The following ZNF727 variants were observed in gnomAD, a reference collection of about 807,000 sequenced individuals.
The protein encoded by ZNF727 is zinc finger protein 727, also known as putative zinc finger protein 727.
ZNF727 carries 11 observed loss-of-function variants against 11.5 expected under a neutral mutation model. The observed-to-expected ratio is 0.95, with a 90% CI of 0.60 to 1.58. The LOEUF (loss-of-function observed/expected upper bound fraction) is 1.58. ZNF727 is among the 40% of genes most tolerant of loss of function. The probability of loss-of-function intolerance (pLI) is 0.00; values close to 1 mark genes in which losing one functional copy is unlikely to be tolerated. For synonymous variants in ZNF727, 171 were observed against 196.1 expected, an observed-to-expected ratio of 0.87 and a Z score of 1.07; for missense variants, 533 against 581.7, an observed-to-expected ratio of 0.92 and a Z score of 0.86.
At chr7:64,073,303 T>G (rs1562796969) in intron 3 of ZNF727, among the ~76,000 whole-genome samples, 1 of 82,348 alleles carries the variant, frequency 1.2e-5, no homozygotes, top group African/African-American at 4.1e-5. Context: ...TTTCAATTTT[T>G]TGTGTGTTTT....
chr7:64,077,061 GA>G (rs1322938064), intron 3 of ZNF727, among the ~76,000 whole-genome samples: 3 of 152,076 alleles, frequency 2.0e-5, no homozygotes, highest in Non-Finnish European at 4.4e-5. Context: ...TTTTTCTCAC[GA>G]GGTGCTACAA....
At chr7:64,046,941 T>A (rs1385029983) in intron 1 of ZNF727, among the ~76,000 whole-genome samples, 2 of 152,176 alleles carry the variant, frequency 1.3e-5, no homozygotes, top group South Asian at 4.1e-4. Flanking sequence ...CTTAGAGCTT[T>A]ATTGGCAGCT....
Position 64,078,692 on chromosome 7 carries a change from C to G in ZNF727, c.*143C>G. 7.9e-7 allele frequency: 1 copy of G among 1,258,180 alleles called. No individual in the cohort carries two copies. The highest frequency in any genetic ancestry group is 1.2e-6 in the Non-Finnish European group (1 of 867,274). 77.9% of individuals were successfully genotyped at this position (1,258,180 alleles called of 1,614,324 possible). On this transcript the variant is annotated 3_prime_UTR_variant, in exon 4 of 4. Transcript: ENST00000456806. The stretch of plus-strand genomic sequence containing the variant: ...AATGTGGCAAAGCCTTTATCCGCTC[C>G]TCAACCCTTACAAGCCACAAGAGAA...
At chr7:64,075,401 G>C (rs539478199) in intron 3 of ZNF727, among the ~76,000 whole-genome samples, 1 of 151,546 alleles carries the variant, frequency 6.6e-6, no homozygotes, top group South Asian at 2.1e-4. Context: ...TGATTATAAT[G>C]CATTTTCTAT....
rs758166849 is a variant in ZNF727 at position 64,078,405 on chromosome 7, C to T, written c.1356C>T (p.Tyr452=). The T allele has an allele frequency of 6.9e-6, 11 of 1,593,388 alleles. No homozygotes were observed. The highest frequency in any genetic ancestry group is 9.4e-6 in the Non-Finnish European group (11 of 1,169,696). ...HKRIHTGEKP[Y]KCEECGKTFT... ...GAATTCACACTGGAGAGAAGCCCTA[C>T]AAATGTGAAGAATGTGGCAAAACCT... The change falls in exon 4 of 4, where the codon TAC becomes TAT. Residue 452 remains tyrosine, a synonymous_variant. Transcript: ENST00000456806.
chr7:64,048,324 T>C (rs1789540180), intron 1 of ZNF727, among the ~76,000 whole-genome samples: 1 of 152,214 alleles, frequency 6.6e-6, no homozygotes, highest in Non-Finnish European at 1.5e-5. Flanking sequence ...CTGAGGTCTG[T>C]TCTGTTTTAG....
chr7:64,045,765 C>T (rs1465004563), intron 1 of ZNF727, 141 bp downstream of exon 1: 6 of 1,092,522 alleles, frequency 5.5e-6, no homozygotes. Flanking sequence ...GTCCTCACTT[C>T]CCTCCGTCGC....
In ZNF727 at chr7:64,068,895, T is replaced by C. The variant is rs759678849; in HGVS notation, c.8T>C (p.Val3Ala). Residue 3 changes from valine (V) to alanine (A), a missense_variant, in exon 2 of 4, where the codon GTG becomes GCG. This residue lies in a region of ZNF727 where 463 missense variants were observed against 494.5 expected (regional missense o/e 0.94). Transcript: ENST00000456806. The stretch of plus-strand genomic sequence containing the variant: ...TAAATATGTTTTGTTTTTCAGCGAG[T>C]GCTAACATTCAGGGATGTGGCTGTA... MR[V>A]LTFRDVAVEF... 3 of 1,595,092 alleles carry C rather than the reference T, an allele frequency of 1.9e-6. No individual in the cohort carries two copies. The highest frequency in any genetic ancestry group is 2.6e-6 in the Non-Finnish European group (3 of 1,169,970).
chr7:64,050,776 A>ATGTG (rs10609208), intron 1 of ZNF727, among the ~76,000 whole-genome samples: 2,331 of 148,388 alleles, frequency 0.016, 56 homozygotes, highest in African/African-American at 0.052. Flanking sequence ...ATGCATATGT[A>ATGTG]TGTGTGTGTG....
At position 64,078,106 on chromosome 7, in the gene ZNF727, T is replaced by C. The variant is rs1460578779; in HGVS notation, c.1057T>C (p.Ser353Pro). Reference protein sequence around the residue: ...EECGKAFTYSSTLISHKRIHM... With the variant: ...EECGKAFTYSPTLISHKRIHM... ...ATGTGGCAAAGCCTTTACCTACTCC[T>C]CAACCCTTATTAGCCACAAGAGAAT... Residue 353 changes from serine to proline, a missense_variant, in exon 4 of 4, where the codon TCA becomes CCA. By Grantham distance (74) the Ser-to-Pro change is moderately conservative. This residue lies in a region of ZNF727 where 463 missense variants were observed against 494.5 expected (regional missense o/e 0.94). Transcript: ENST00000456806. 1 of 1,608,926 alleles carries C rather than the reference T, an allele frequency of 6.2e-7. No individual in the cohort carries two copies. Among genetic ancestry groups the C allele is most frequent in the Non-Finnish European group, 8.5e-7 (1 of 1,177,420 alleles).
At chr7:64,074,001 C>T (rs1170498946) in intron 3 of ZNF727, among the ~76,000 whole-genome samples, 1 of 152,074 alleles carries the variant, frequency 6.6e-6, no homozygotes, top group Non-Finnish European at 1.5e-5. Context: ...TAGATCTCTC[C>T]TGAGGGTAGT....
intron 1 of ZNF727, among the ~76,000 whole-genome samples, chr7:64,048,694 C>CT (rs986565541): frequency 8.5e-5 from 13 of 152,084 alleles, no homozygotes; most frequent in African/African-American, 2.9e-4. Flanking sequence ...AAATCAGTAG[C>CT]TTTTTTTGTT....
chr7:64,057,673 C>T (rs1290021378), intron 1 of ZNF727, among the ~76,000 whole-genome samples: 3 of 151,734 alleles, frequency 2.0e-5, no homozygotes, highest in African/African-American at 2.4e-5. Flanking sequence ...AACAAACCTG[C>T]CCATCCTGCA....
At position 64,068,885 on chromosome 7, in the gene ZNF727, T is replaced by A; in HGVS notation, c.4-6T>A. 1.9e-6 allele frequency: 3 copies of A among 1,582,684 alleles called. No individual in the cohort carries two copies. Among genetic ancestry groups the A allele is most frequent in the Non-Finnish European group, 2.6e-6 (3 of 1,163,518 alleles). On this transcript the variant is annotated splice_polypyrimidine_tract_variant and splice_region_variant and intron_variant, in intron 1 of 3. Coordinates refer to ENST00000456806, the MANE Select transcript of ZNF727 (RefSeq NM_001159522.3). ...GGTCACTTGGTAAATATGTTTTGTTTTTCAGCGAGTGCTAACATTCAGGGA... is the reference window on the plus strand; with the variant it reads ...GGTCACTTGGTAAATATGTTTTGTTATTCAGCGAGTGCTAACATTCAGGGA...
At chr7:64,069,716 G>T in intron 3 of ZNF727, 107 bp downstream of exon 3, 1 of 886,896 alleles carries the variant, frequency 1.1e-6, no homozygotes. Context: ...AGTGGAAATC[G>T]TTTCTGAGAA....
chr7:64,082,876 G>A lies in ZNF727; in HGVS notation c.*4327G>A, dbSNP rs143344860. On this transcript the variant is annotated 3_prime_UTR_variant, in exon 4 of 4. Transcript: ENST00000456806. Reference sequence around the variant, plus strand: ...CAGCCTGGTGAGAGAGCGAGACTCCGTCTCAAAAAAAAAAAAGAAAGAATG... The same window carrying A: ...CAGCCTGGTGAGAGAGCGAGACTCCATCTCAAAAAAAAAAAAGAAAGAATG... Among the ~76,000 whole-genome samples the A allele has an allele frequency of 1.9e-3, 174 of 92,464 alleles. No homozygotes were observed. Among genetic ancestry groups the A allele is most frequent in the Non-Finnish European group, 3.6e-3 (147 of 41,338 alleles). The allele number at this position is 92,464 out of a possible 152,430, so 60.7% of individuals were successfully genotyped here. A position where few individuals can be genotyped will look rare whatever the true frequency, so the allele number is the denominator to read the frequency against.
intron 3 of ZNF727, among the ~76,000 whole-genome samples, chr7:64,073,071 T>C (rs1789986982): frequency 6.6e-6 from 1 of 152,088 alleles, no homozygotes; most frequent in South Asian, 2.1e-4. Flanking sequence ...AAAGTCTTTA[T>C]TTTTTTCTTA....
chr7:64,076,663 GAGA>G (rs1411780192), intron 3 of ZNF727, among the ~76,000 whole-genome samples: 1 of 152,156 alleles, frequency 6.6e-6, no homozygotes, highest in East Asian at 1.9e-4. Context: ...ATATGTACTT[GAGA>G]AGAATGTGTG....
intron 3 of ZNF727, among the ~76,000 whole-genome samples, chr7:64,073,817 C>T (rs942759802): frequency 3.3e-5 from 5 of 152,106 alleles, no homozygotes; most frequent in African/African-American, 1.2e-4. Flanking sequence ...TCTTTTGCTT[C>T]CCTAGTTGAC....
Sources: allele counts gnomAD v4.1 joint callset (sites outside exome capture counted in the v4.1 genomes callset), GRCh38; gene constraint gnomAD v4.1.1; regional missense constraint gnomAD v4.1.1; transcripts MANE v1.5; gene names NCBI Gene and HGNC (gene_info 2026-07-23, HGNC 2026-07-21).